The following ZNF436 variants were observed in gnomAD, a reference collection of about 807,000 sequenced individuals.
ZNF436 encodes the protein zinc finger protein 436, also known as DNA-binding protein.
In ZNF436, 22 loss-of-function variants were observed where a neutral mutation model predicts 41.9. The observed-to-expected ratio is 0.53, with a 90% confidence interval of 0.38 to 0.75. ZNF436 has a LOEUF of 0.75. Among genes scored for constraint, ZNF436 ranks in the 30% least tolerant of loss-of-function variants. The pLI, the probability that ZNF436 is intolerant of heterozygous loss-of-function variation, is 0.00. For missense variants in ZNF436, 506 were observed against 587.3 expected, an observed-to-expected ratio of 0.86 and a Z score of 1.43; for synonymous variants, 217 against 197.8, an observed-to-expected ratio of 1.10 and a Z score of -0.82.
rs1570196854 is a variant in ZNF436 at position 23,369,835 on chromosome 1, A to G, written c.-530T>C. 2.3e-5 allele frequency: 7 copies of G among 310,308 alleles called. No individual in the cohort carries two copies. The highest frequency in any genetic ancestry group is 1.9e-4 in the South Asian group (7 of 36,408). The allele number at this position is 310,308 out of a possible 1,614,324, so 19.2% of individuals were successfully genotyped here. A position where few individuals can be genotyped will look rare whatever the true frequency, so the allele number is the denominator to read the frequency against. ...AGCTCGCTGTAGCCTTGGAGAGGGA[A>G]GTGATGGAAAAAGAATATAGCAGCT... On this transcript the variant is annotated 5_prime_UTR_variant, in exon 1 of 4. Transcript: ENST00000314011.
At chr1:23,365,421 A>G (rs1638336807) in intron 3 of ZNF436, among the ~76,000 whole-genome samples, 3 of 150,442 alleles carry the variant, frequency 2.0e-5, no homozygotes, top group Admixed American at 2.0e-4. Context: ...AATAATAAAA[A>G]AATAAAAAGA....
chr1:23,365,210 G>T (rs183041447), intron 3 of ZNF436, among the ~76,000 whole-genome samples: 4 of 151,078 alleles, frequency 2.6e-5, no homozygotes, highest in Admixed American at 2.6e-4. Flanking sequence ...TGGCTAACAC[G>T]GTGAAACCCC....
At chr1:23,365,739 A>T (rs1006689034) in intron 3 of ZNF436, among the ~76,000 whole-genome samples, 1 of 149,634 alleles carries the variant, frequency 6.7e-6, no homozygotes, top group African/African-American at 2.4e-5. Context: ...TTAATTAATT[A>T]ATTTAAAATT....
At chr1:23,366,872 A>C (rs41268115) in intron 3 of ZNF436, among the ~76,000 whole-genome samples, 170 bp downstream of exon 3, 188 of 152,328 alleles carry the variant, frequency 1.2e-3, no homozygotes, top group Non-Finnish European at 1.8e-3. Context: ...TTTTTAGACA[A>C]TATGACCTGG....
At position 23,367,310 on chromosome 1, in the gene ZNF436, TGTG is replaced by T. The variant is rs1228641441; in HGVS notation, c.34-145_34-143del. 5.8e-6 allele frequency: 6 copies of T among 1,038,622 alleles called. No homozygotes were observed. The African/African-American group carries it at 9.8e-5, about 17-fold the overall frequency. 64.3% of individuals were successfully genotyped at this position (1,038,622 alleles called of 1,614,324 possible). ...AAGAAATAAACAAGCAAAAAAGAGA[TGTG>T]GTAAAGAAGGCAGCAATTTATGAGC... is the stretch of plus-strand genomic sequence containing the variant. On this transcript the variant is annotated intron_variant, in intron 2 of 3. Coordinates refer to ENST00000314011, the MANE Select transcript of ZNF436 (RefSeq NM_001077195.2).
chr1:23,361,901 G>C lies in ZNF436; in HGVS notation c.*68C>G. On this transcript the variant is annotated 3_prime_UTR_variant, in exon 4 of 4. Coordinates refer to ENST00000314011, the MANE Select transcript of ZNF436 (RefSeq NM_001077195.2). ...ATGATAAAAGCAGCTCAGTCTTGAG[G>C]GCGTTCATTGATATCAAATAAAATT... 6.8e-7 allele frequency: 1 copy of C among 1,473,122 alleles called. No individual in the cohort carries two copies. Among genetic ancestry groups the C allele is most frequent in the Non-Finnish European group, 9.1e-7 (1 of 1,098,188 alleles). 91.3% of individuals were successfully genotyped at this position (1,473,122 alleles called of 1,614,324 possible).
chr1:23,364,752 T>C (rs1039207523), intron 3 of ZNF436, among the ~76,000 whole-genome samples: 2 of 152,172 alleles, frequency 1.3e-5, no homozygotes, highest in African/African-American at 4.8e-5. Context: ...AAAATCAAAA[T>C]ACACAACCAC....
In ZNF436 at chr1:23,363,314, A is replaced by G. The variant is rs535936206; in HGVS notation, c.161-93T>C. 1.8e-4 allele frequency: 186 copies of G among 1,005,698 alleles called. 1 individual carries two copies. In the African/African-American group the frequency reaches 2.6e-3, roughly 14 times the overall value. The allele number at this position is 1,005,698 out of a possible 1,614,324, so 62.3% of individuals were successfully genotyped here. ...CTAAATTTTTTTTTTTTTTAGACAG[A>G]GTCTCACTGTGTTGCCTTGGCTGGA... is the stretch of plus-strand genomic sequence containing the variant. On this transcript the variant is annotated intron_variant, in intron 3 of 3. Transcript: ENST00000314011.
At position 23,361,987 on chromosome 1, in the gene ZNF436, C is replaced by T; in HGVS notation, c.1395G>A (p.Lys465=). ...FSRSSALIKH[K]RVHTD ...TTACAGCTTAGTCCGTATGAACTCT[C>T]TTATGTTTAATAAGAGCTGAGCTCC... Residue 465 remains lysine, a synonymous_variant, in exon 4 of 4, where the codon AAG becomes AAA. Transcript: ENST00000314011. 6.2e-7 allele frequency: 1 copy of T among 1,607,704 alleles called. No individual in the cohort carries two copies. Among genetic ancestry groups the T allele is most frequent in the Non-Finnish European group, 8.5e-7 (1 of 1,177,006 alleles).
At chr1:23,366,156 A>G (rs1166429123) in intron 3 of ZNF436, among the ~76,000 whole-genome samples, 1 of 152,220 alleles carries the variant, frequency 6.6e-6, no homozygotes, top group Non-Finnish European at 1.5e-5. Context: ...ATTTATGGTT[A>G]CTTTTATAAA....
chr1:23,366,466 GA>G (rs1211495241), intron 3 of ZNF436, among the ~76,000 whole-genome samples: 3 of 151,246 alleles, frequency 2.0e-5, no homozygotes, highest in South Asian at 2.1e-4. Flanking sequence ...TGCAGACCAT[GA>G]AAAAAAAATC....
chr1:23,369,265 C>A, intron 1 of ZNF436, 101 bp downstream of exon 1: 1 of 459,190 alleles, frequency 2.2e-6, no homozygotes, highest in Non-Finnish European at 4.6e-6. Flanking sequence ...GGACCCTGGG[C>A]GTCTGAGGCC....
At position 23,363,222 on chromosome 1, in the gene ZNF436, C is replaced by A; in HGVS notation, c.161-1G>T. 6.2e-7 allele frequency: 1 copy of A among 1,606,990 alleles called. No homozygotes were observed. The highest frequency in any genetic ancestry group is 8.5e-7 in the Non-Finnish European group (1 of 1,177,664). Reference sequence around the variant, plus strand: ...TCGTTCTCACTCCTGATCTCAAAATCTGTAATAAAAAGTAAACAATAAGAC... The same window carrying A: ...TCGTTCTCACTCCTGATCTCAAAATATGTAATAAAAAGTAAACAATAAGAC... On this transcript the variant is annotated splice_acceptor_variant, in intron 3 of 3. Transcript: ENST00000314011. LOFTEE classifies it high-confidence loss of function.
chr1:23,366,667 T>C (rs921062769), intron 3 of ZNF436, among the ~76,000 whole-genome samples: 3 of 152,192 alleles, frequency 2.0e-5, no homozygotes, highest in Admixed American at 1.3e-4. Flanking sequence ...CGCCCTCCCA[T>C]GAACCTGGGT....
At chr1:23,368,793 T>G (rs1570194124) in intron 1 of ZNF436, among the ~76,000 whole-genome samples, 2 of 152,114 alleles carry the variant, frequency 1.3e-5, no homozygotes, top group African/African-American at 4.8e-5. Context: ...AGCCCCTGCT[T>G]GACAGCACAG....
At chr1:23,369,068 C>CCG (rs1237959043) in intron 1 of ZNF436, 8 of 237,200 alleles carry the variant, frequency 3.4e-5, no homozygotes, top group Non-Finnish European at 6.2e-5. Flanking sequence ...AGGGGGCGCC[C>CCG]CTCGAGCGGC....
intron 3 of ZNF436, 115 bp from the exon 4 acceptor site, chr1:23,363,336 T>A: frequency 2.5e-6 from 2 of 797,868 alleles, no homozygotes; most frequent in Admixed American, 5.7e-5. Context: ...TTGCCTTGGC[T>A]GGAGTGCAGT....
intron 3 of ZNF436, among the ~76,000 whole-genome samples, chr1:23,366,567 G>A (rs1488310694): frequency 6.6e-6 from 1 of 152,290 alleles, no homozygotes; most frequent in South Asian, 2.1e-4. Flanking sequence ...CATCAACACT[G>A]AAACATCTCT....
In ZNF436 at chr1:23,363,126, C is replaced by T; in HGVS notation, c.256G>A (p.Ala86Thr). ...GTTSERPAEN[A>T]EENPESEEGF... is the part of the protein sequence containing the mutation. Reference sequence around the variant, plus strand: ...TCTTCACTTTCAGGATTTTCCTCAGCATTCTCAGCAGGTCTTTCAGATGTA... The same window carrying T: ...TCTTCACTTTCAGGATTTTCCTCAGTATTCTCAGCAGGTCTTTCAGATGTA... Residue 86 changes from alanine to threonine, a missense_variant, in exon 4 of 4, where the codon GCT (alanine) becomes ACT (threonine). Around this residue, in one of 2 missense-constraint regions of ZNF436, gnomAD observed 228 missense variants for 215.1 expected, o/e 1.06. Coordinates refer to ENST00000314011, the MANE Select transcript of ZNF436 (RefSeq NM_001077195.2). 7 of 1,614,210 alleles carry T rather than the reference C, an allele frequency of 4.3e-6. No individual in the cohort carries two copies. Among genetic ancestry groups the T allele is most frequent in the Non-Finnish European group, 5.9e-6 (7 of 1,180,046 alleles).
Sources: allele counts gnomAD v4.1 joint callset (sites outside exome capture counted in the v4.1 genomes callset), GRCh38; gene constraint gnomAD v4.1.1; regional missense constraint gnomAD v4.1.1; transcripts MANE v1.5; gene names NCBI Gene and HGNC (gene_info 2026-07-23, HGNC 2026-07-21).